The following UGDH variants were observed in gnomAD, a reference collection of about 807,000 sequenced individuals.
UGDH encodes UDP-Glc dehydrogenase.
Under a neutral mutation model 50.6 loss-of-function variants are expected in UGDH, and 38 were observed. The ratio of observed to expected loss-of-function variants is 0.75; its 90% CI spans 0.58 to 0.98. UGDH has a LOEUF of 0.98. UGDH is among the 50% of genes least tolerant of loss of function. The pLI, the probability that UGDH is intolerant of heterozygous loss-of-function variation, is 0.00. For synonymous variants in UGDH, 168 were observed against 199.9 expected, an observed-to-expected ratio of 0.84 and a Z score of 1.35; for missense variants, 465 against 606.2, an observed-to-expected ratio of 0.77 and a Z score of 2.45.
At chr4:39,520,398 T>A (rs1448445941) in intron 2 of UGDH, among the ~76,000 whole-genome samples, 2 of 152,170 alleles carry the variant, frequency 1.3e-5, no homozygotes, top group Non-Finnish European at 2.9e-5. Flanking sequence ...CATATTAATG[T>A]TAGCTAGAAA....
chr4:39,512,819 A>ATTT (rs386399849), intron 3 of UGDH, among the ~76,000 whole-genome samples: 79 of 135,858 alleles, frequency 5.8e-4, no homozygotes, highest in East Asian at 1.3e-3. Context: ...AAGAGACTGA[A>ATTT]TTTTTTTTTT....
intron 1 of UGDH, among the ~76,000 whole-genome samples, chr4:39,525,024 T>C (rs1358840884): frequency 6.6e-6 from 1 of 152,224 alleles, no homozygotes; most frequent in Non-Finnish European, 1.5e-5. Flanking sequence ...GAAATACGGC[T>C]TACCGATGAC....
chr4:39,514,736 G>A (rs979713330), intron 2 of UGDH, among the ~76,000 whole-genome samples: 1 of 151,892 alleles, frequency 6.6e-6, no homozygotes, highest in Admixed American at 6.6e-5. Context: ...AGGCTGGAGT[G>A]CAGTGGTATG....
intron 1 of UGDH, among the ~76,000 whole-genome samples, chr4:39,523,682 T>A (rs941426154): frequency 1.2e-4 from 18 of 151,720 alleles, no homozygotes; most frequent in Non-Finnish European, 1.9e-4. Context: ...CACATGTCTG[T>A]AATCCCAGCT....
intron 11 of UGDH, among the ~76,000 whole-genome samples, chr4:39,500,653 C>CTTTTTTTTTTTTTTTTTTTTTTTTTTTTT (rs11284301): frequency 7.4e-6 from 1 of 135,222 alleles, no homozygotes. Context: ...GCATAATTCT[C>CTTTTTTTTTTTTTTTTTTTTTTTTTTTTT]TTTTTTTTTT....
rs149478565 is a variant in UGDH, at chr4:39,507,827, G to A, written c.906+739C>T. Among the ~76,000 whole-genome samples the A allele has an allele frequency of 2.6e-4, 40 of 151,852 alleles. No homozygotes were observed. In the East Asian group the frequency reaches 7.4e-3, roughly 28 times the overall value. ...TAAAAAAATTAGCCAATGTGGTGGT[G>A]CGTTCCTGAAGTTGAGGTTGAAGTG... On this transcript the variant is annotated intron_variant, in intron 7 of 11. Coordinates refer to ENST00000316423, the MANE Select transcript of UGDH (RefSeq NM_003359.4).
At position 39,504,463 on chromosome 4, in the gene UGDH, T is replaced by C. The variant is rs753003368; in HGVS notation, c.1217A>G (p.Asp406Gly). The C allele has an allele frequency of 6.2e-7, 1 of 1,614,046 alleles. No individual in the cohort carries two copies. Among genetic ancestry groups the C allele is most frequent in the Non-Finnish European group, 8.5e-7 (1 of 1,180,014 alleles). The change falls in exon 10 of 12, where the codon GAT (aspartate) becomes GGT (glycine). Residue 406 changes from aspartate (D) to glycine (G), a missense_variant. Transcript: ENST00000316423. ...GCAAATAACAACAGCATGGGCACCA[T>C]CACATGCTTCATATGGATCCTTGGA... ...TISKDPYEAC[D>G]GAHAVVICTE...
At chr4:39,516,608 G>C (rs575150619) in intron 2 of UGDH, among the ~76,000 whole-genome samples, 1 of 152,304 alleles carries the variant, frequency 6.6e-6, no homozygotes, top group Admixed American at 6.5e-5. Flanking sequence ...AGGGGCCATA[G>C]GTCTGGCATT....
At chr4:39,504,595 A>T in intron 9 of UGDH, 87 bp from the exon 10 acceptor site, 1 of 1,133,256 alleles carries the variant, frequency 8.8e-7, no homozygotes, top group Non-Finnish European at 1.3e-6. Context: ...GCAGGGATAC[A>T]TTCCAAGACC....
chr4:39,505,540 C>A, intron 8 of UGDH, 78 bp downstream of exon 8: 2 of 1,372,628 alleles, frequency 1.5e-6, no homozygotes, highest in Non-Finnish European at 1.9e-6. Context: ...ATTTTATGTA[C>A]ACCTACCCCA....
At chr4:39,513,453 T>C (rs566059538) in intron 3 of UGDH, among the ~76,000 whole-genome samples, 1 of 151,852 alleles carries the variant, frequency 6.6e-6, no homozygotes, top group South Asian at 2.1e-4. Context: ...TGCCAACCAC[T>C]GGAAACAAGA....
chr4:39,514,660 C>A (rs901858555), intron 2 of UGDH, among the ~76,000 whole-genome samples: 1 of 151,368 alleles, frequency 6.6e-6, no homozygotes. Flanking sequence ...AGTGAGCCAC[C>A]ATGCCCAGCC....
rs563530498 is a variant in UGDH at position 39,501,111 on chromosome 4, G to A, written c.1375-858C>T. ...CTCCCAAGTAGCTAGGATTACAAGC[G>A]CCCGCCACCACACCAGGCTAATGTT... On this transcript the variant is annotated intron_variant, in intron 11 of 11. Coordinates refer to ENST00000316423, the MANE Select transcript of UGDH (RefSeq NM_003359.4). 8.2e-4 allele frequency among the ~76,000 whole-genome samples: 124 copies of A among 151,434 alleles called. 2 individuals carry two copies. The highest frequency in any genetic ancestry group is 2.2e-3 in the African/African-American group (90 of 41,218).
At chr4:39,517,204 AT>A (rs202114945) in intron 2 of UGDH, among the ~76,000 whole-genome samples, 19,388 of 141,058 alleles carry the variant, frequency 0.14, 2,190 homozygotes, top group African/African-American at 0.33. Context: ...TTACTACTAA[AT>A]TTTTTTTTTT....
At chr4:39,509,612 C>T in intron 6 of UGDH, 148 bp downstream of exon 6, 3 of 930,170 alleles carry the variant, frequency 3.2e-6, no homozygotes, top group Non-Finnish European at 3.0e-6. Flanking sequence ...TTCCCTGAGT[C>T]TGAATCATCT....
intron 11 of UGDH, among the ~76,000 whole-genome samples, chr4:39,502,925 T>A (rs543904007): frequency 9.9e-5 from 15 of 152,180 alleles, no homozygotes; most frequent in Admixed American, 2.6e-4. Context: ...TTTTATTATT[T>A]TTTTTTCCCA....
intron 1 of UGDH, 38 bp from the exon 2 acceptor site, chr4:39,521,557 A>G: frequency 6.9e-7 from 1 of 1,442,456 alleles, no homozygotes; most frequent in South Asian, 1.6e-5. Flanking sequence ...AGTATTGAAA[A>G]CAGAAAATTT....
At chr4:39,517,340 T>C (rs1655444294) in intron 2 of UGDH, among the ~76,000 whole-genome samples, 1 of 151,748 alleles carries the variant, frequency 6.6e-6, no homozygotes, top group African/African-American at 2.4e-5. Flanking sequence ...GTAGCTGGGA[T>C]TACAGGCGCG....
At chr4:39,517,021 G>A (rs1746462472) in intron 2 of UGDH, among the ~76,000 whole-genome samples, 1 of 151,898 alleles carries the variant, frequency 6.6e-6, no homozygotes, top group Non-Finnish European at 1.5e-5. Context: ...AATAATATAG[G>A]TTCTATCTGT....
Sources: allele counts gnomAD v4.1 joint callset (sites outside exome capture counted in the v4.1 genomes callset), GRCh38; gene constraint gnomAD v4.1.1; transcripts MANE v1.5; gene names NCBI Gene and HGNC (gene_info 2026-07-23, HGNC 2026-07-21).